Variants in SPPL2A observed in about 807,000 individuals in gnomAD.
The protein encoded by SPPL2A is signal peptide peptidase-like 2A.
A neutral mutation model predicts 63.8 loss-of-function variants in SPPL2A; 51 were observed. That is an observed-to-expected ratio of 0.80 (90% CI 0.64 to 1.01). The LOEUF (loss-of-function observed/expected upper bound fraction) is 1.01. Among genes scored for constraint, SPPL2A ranks in the 50% least tolerant of loss-of-function variants. SPPL2A has a pLI of 0.00. For missense variants in SPPL2A, 553 were observed against 622.7 expected (o/e 0.89, Z 1.19); for synonymous variants, 188 against 205.8 (o/e 0.91, Z 0.74).
At chr15:50,733,633 A>G (rs1323488050) in intron 8 of SPPL2A, among the ~76,000 whole-genome samples, 1 of 152,188 alleles carries the variant, frequency 6.6e-6, no homozygotes, top group Non-Finnish European at 1.5e-5. Flanking sequence ...AGACTTGAAA[A>G]GCACAGACAA....
intron 1 of SPPL2A, among the ~76,000 whole-genome samples, chr15:50,752,516 G>C (rs1177514288): frequency 6.6e-6 from 1 of 152,040 alleles, no homozygotes; most frequent in East Asian, 1.9e-4. Flanking sequence ...TCAGGAGTTT[G>C]AGACCATCCT....
At chr15:50,745,687 GC>G (rs939572672) in intron 5 of SPPL2A, among the ~76,000 whole-genome samples, 4 of 152,026 alleles carry the variant, frequency 2.6e-5, no homozygotes, top group African/African-American at 9.7e-5. Flanking sequence ...AGCCTCTGGG[GC>G]TAGAGGTGTG....
chr15:50,731,259 G>A (rs1392636459), intron 9 of SPPL2A, among the ~76,000 whole-genome samples: 1 of 152,036 alleles, frequency 6.6e-6, no homozygotes, highest in East Asian at 1.9e-4. Flanking sequence ...CCAAAGAAAT[G>A]TGCTGGGTTG....
At chr15:50,723,762 C>T (rs1010316557) in intron 12 of SPPL2A, among the ~76,000 whole-genome samples, 5 of 152,204 alleles carry the variant, frequency 3.3e-5, no homozygotes, top group African/African-American at 7.2e-5. Context: ...AGGCATGAGC[C>T]GCCAAGCTCG....
chr15:50,756,356 CAAAAAAAAAAAA>C (rs34922256), intron 1 of SPPL2A, among the ~76,000 whole-genome samples: 46 of 63,402 alleles, frequency 7.3e-4, no homozygotes, highest in African/African-American at 2.6e-3. Context: ...GACTCCGTCT[CAAAAAAAAAAAA>C]AAAAAAAAAA....
rs529118061 is a variant in SPPL2A, at chr15:50,707,086, T to G, written c.*714A>C. ...GTTGAACCGCCTTCTTGCATGGTGTTAAACAGTTATTTCTACAGAGCAGAT... is the reference window on the plus strand; with the variant it reads ...GTTGAACCGCCTTCTTGCATGGTGTGAAACAGTTATTTCTACAGAGCAGAT... On this transcript the variant is annotated 3_prime_UTR_variant, in exon 15 of 15. Transcript: ENST00000261854. The G allele has an allele frequency of 6.6e-6, 1 of 152,324 alleles. No homozygotes were observed. Among genetic ancestry groups the G allele is most frequent in the African/African-American group, 2.4e-5 (1 of 41,584 alleles). 9.4% of individuals were successfully genotyped at this position (152,324 alleles called of 1,614,324 possible). A position where few individuals can be genotyped will look rare whatever the true frequency, so the allele number is the denominator to read the frequency against.
chr15:50,731,207 C>A (rs2062728002), intron 9 of SPPL2A, among the ~76,000 whole-genome samples, 168 bp from the exon 10 acceptor site: 1 of 151,856 alleles, frequency 6.6e-6, no homozygotes, highest in Admixed American at 6.6e-5. Context: ...ATATTAAAAC[C>A]CTTATCTTCT....
chr15:50,714,648 AT>A (rs869303656), intron 14 of SPPL2A, among the ~76,000 whole-genome samples: 24 of 119,286 alleles, frequency 2.0e-4, no homozygotes, highest in East Asian at 2.4e-4. Context: ...AAAAAAAAAA[AT>A]TTTTTTTCTT....
intron 14 of SPPL2A, among the ~76,000 whole-genome samples, chr15:50,715,585 C>T (rs942409785): frequency 7.4e-6 from 1 of 135,724 alleles, no homozygotes. Context: ...AAACTGTTTA[C>T]AGTAGCTGCC....
At chr15:50,720,694 T>G (rs539378219) in intron 13 of SPPL2A, among the ~76,000 whole-genome samples, 1 of 151,858 alleles carries the variant, frequency 6.6e-6, no homozygotes, top group Non-Finnish European at 1.5e-5. Context: ...TAATTTTGTA[T>G]TTTTTAGCAG....
chr15:50,714,338 A>T (rs1046001721), intron 14 of SPPL2A, among the ~76,000 whole-genome samples: 4 of 152,054 alleles, frequency 2.6e-5, no homozygotes, highest in African/African-American at 9.7e-5. Flanking sequence ...GCAGAGGCAA[A>T]TTTTTTTCTC....
At position 50,749,529 on chromosome 15, in the gene SPPL2A, G is replaced by A. The variant is rs562340500; in HGVS notation, c.177+107C>T. On this transcript the variant is annotated intron_variant, in intron 2 of 14. Coordinates refer to ENST00000261854, the MANE Select transcript of SPPL2A (RefSeq NM_032802.4). ...TCTTGATCTCCTGACCTCATGATCC[G>A]CCCGCCTTGGCCTCCCAAAGTGCTG... 2.1e-3 allele frequency: 1,508 copies of A among 719,584 alleles called. 14 individuals are homozygous for A. In the East Asian group the frequency reaches 0.032, roughly 15 times the overall value. The allele number at this position is 719,584 out of a possible 1,614,324, so 44.6% of individuals were successfully genotyped here.
At chr15:50,708,701 T>TC (rs1214079607) in intron 14 of SPPL2A, among the ~76,000 whole-genome samples, 1 of 98,374 alleles carries the variant, frequency 1.0e-5, no homozygotes, top group Non-Finnish European at 2.0e-5. Context: ...TGAGACTCTG[T>TC]CAAAAAAAAA....
chr15:50,726,208 T>C (rs2062686538), intron 11 of SPPL2A, 113 bp downstream of exon 11: 3 of 1,461,746 alleles, frequency 2.1e-6, no homozygotes, highest in African/African-American at 2.8e-5. Context: ...AAATAAGTTT[T>C]ACAATACCTT....
intron 14 of SPPL2A, among the ~76,000 whole-genome samples, chr15:50,708,949 A>C (rs2062535749): frequency 6.6e-6 from 1 of 151,930 alleles, no homozygotes; most frequent in Admixed American, 6.6e-5. Context: ...AGGCAGGAGA[A>C]TGGTATGAAC....
At chr15:50,720,208 G>A in intron 13 of SPPL2A, 108 bp from the exon 14 acceptor site, 2 of 802,900 alleles carry the variant, frequency 2.5e-6, no homozygotes, top group Non-Finnish European at 1.9e-6. Context: ...GGATATTTTT[G>A]CTCTATGACT....
At chr15:50,749,006 A>G (rs1390070535) in intron 2 of SPPL2A, 136 bp from the exon 3 acceptor site, 1 of 501,732 alleles carries the variant, frequency 2.0e-6, no homozygotes, top group South Asian at 4.3e-5. Flanking sequence ...TAGGCTTAGA[A>G]TTAAGTATTT....
chr15:50,746,664 CTTTTTTTTTT>C (rs35816281), intron 5 of SPPL2A: 1 of 116,512 alleles, frequency 8.6e-6, no homozygotes, highest in Admixed American at 9.3e-5. Flanking sequence ...TAATTATTTA[CTTTTTTTTTT>C]TTTTTTTTTG....
chr15:50,722,275 GTATATGT>G, intron 12 of SPPL2A, 74 bp from the exon 13 acceptor site: 1 of 835,754 alleles, frequency 1.2e-6, no homozygotes, highest in Non-Finnish European at 2.0e-6. Context: ...ACAATAGTAA[GTATATGT>G]TATATTGAAT....
Sources: allele counts gnomAD v4.1 joint callset (sites outside exome capture counted in the v4.1 genomes callset), GRCh38; gene constraint gnomAD v4.1.1; transcripts MANE v1.5; gene names NCBI Gene and HGNC (gene_info 2026-07-23, HGNC 2026-07-21).